PTPRO: variants seen among roughly 807,000 people sequenced by gnomAD.
PTPRO encodes the protein receptor-type tyrosine-protein phosphatase O.
A neutral mutation model predicts 145.2 loss-of-function variants in PTPRO; 62 were observed. That is an observed-to-expected ratio of 0.43 (90% CI 0.35 to 0.53). The LOEUF (loss-of-function observed/expected upper bound fraction) is 0.53. PTPRO is among the 20% of genes least tolerant of loss of function. The probability of loss-of-function intolerance (pLI) is 0.01; values close to 1 mark genes in which losing one functional copy is unlikely to be tolerated. For synonymous variants in PTPRO, 565 were observed against 514.7 expected, an observed-to-expected ratio of 1.10 and a Z score of -1.32; for missense variants, 1,345 against 1,482.7, an observed-to-expected ratio of 0.91 and a Z score of 1.53.
intron 1 of PTPRO, among the ~76,000 whole-genome samples, chr12:15,451,707 C>T (rs994299651): frequency 3.3e-5 from 5 of 152,254 alleles, no homozygotes; most frequent in Middle Eastern, 6.8e-3. Context: ...CAAAACCATG[C>T]AAATACATAG....
chr12:15,569,847 A>C (rs908379377), intron 19 of PTPRO, among the ~76,000 whole-genome samples: 1 of 152,154 alleles, frequency 6.6e-6, no homozygotes, highest in Non-Finnish European at 1.5e-5. Context: ...CTTTCAGGGG[A>C]TTTGTAGTGT....
intron 1 of PTPRO, among the ~76,000 whole-genome samples, chr12:15,482,266 T>A (rs1407831302): frequency 1.3e-5 from 2 of 152,062 alleles, no homozygotes; most frequent in Non-Finnish European, 2.9e-5. Context: ...AAGGACATTA[T>A]ATCAAGTGAA....
intron 1 of PTPRO, among the ~76,000 whole-genome samples, chr12:15,413,515 G>T (rs1226694170): frequency 6.6e-6 from 1 of 152,034 alleles, no homozygotes; most frequent in Non-Finnish European, 1.5e-5. Context: ...AAGATTTTAA[G>T]ATATTTTAAA....
intron 1 of PTPRO, among the ~76,000 whole-genome samples, chr12:15,418,370 C>G (rs577814695): frequency 1.3e-5 from 2 of 151,794 alleles, no homozygotes; most frequent in South Asian, 2.1e-4. Flanking sequence ...ACAGAGATGG[C>G]CTTCAGTGTC....
chr12:15,367,116 C>T (rs565590358), intron 1 of PTPRO, among the ~76,000 whole-genome samples: 1 of 152,274 alleles, frequency 6.6e-6, no homozygotes, highest in South Asian at 2.1e-4. Context: ...TATTTTTGAG[C>T]ATCTACTTTA....
At chr12:15,428,039 G>C (rs552429685) in intron 1 of PTPRO, among the ~76,000 whole-genome samples, 1 of 152,128 alleles carries the variant, frequency 6.6e-6, no homozygotes, top group Non-Finnish European at 1.5e-5. Context: ...TTTGCAGCAG[G>C]CTTCTTCCCT....
At chr12:15,434,842 T>G (rs1362803962) in intron 1 of PTPRO, among the ~76,000 whole-genome samples, 2 of 152,210 alleles carry the variant, frequency 1.3e-5, no homozygotes, top group African/African-American at 4.8e-5. Flanking sequence ...AACCTAAATA[T>G]GCAATAATAG....
intron 6 of PTPRO, among the ~76,000 whole-genome samples, chr12:15,507,450 T>TAAC (rs141407524): frequency 0.036 from 5,387 of 148,226 alleles, 131 homozygotes; most frequent in African/African-American, 0.047. Flanking sequence ...AATAAATAAA[T>TAAC]AAGGAATGAA....
At chr12:15,373,295 A>G (rs16910788) in intron 1 of PTPRO, among the ~76,000 whole-genome samples, 3,435 of 152,276 alleles carry the variant, frequency 0.023, 74 homozygotes, top group Non-Finnish European at 0.032. Context: ...GCAGCATACT[A>G]TAGGACAGGA....
intron 1 of PTPRO, among the ~76,000 whole-genome samples, chr12:15,363,830 A>G (rs1010057212): frequency 3.9e-5 from 6 of 152,182 alleles, no homozygotes; most frequent in Non-Finnish European, 7.4e-5. Flanking sequence ...CAAAGGATCT[A>G]CGCTGACATA....
chr12:15,350,049 T>C (rs1206104137), intron 1 of PTPRO, among the ~76,000 whole-genome samples: 5 of 152,192 alleles, frequency 3.3e-5, no homozygotes, highest in Non-Finnish European at 5.9e-5. Flanking sequence ...AATTGGGACA[T>C]GGACTGAAGA....
chr12:15,384,613 CT>C (rs564988515), intron 1 of PTPRO, among the ~76,000 whole-genome samples: 1 of 152,236 alleles, frequency 6.6e-6, no homozygotes, highest in Admixed American at 6.5e-5. Flanking sequence ...ACCCTTTTGA[CT>C]TTAATTATCT....
chr12:15,382,178 T>TATATATATATATATA (rs1565597910), intron 1 of PTPRO, among the ~76,000 whole-genome samples: 16 of 133,214 alleles, frequency 1.2e-4, no homozygotes, highest in African/African-American at 5.3e-4. Context: ...ATATATATAT[T>TATATATATATATATA]TATATTTATA....
At chr12:15,473,937 A>T (rs1941598496) in intron 1 of PTPRO, among the ~76,000 whole-genome samples, 1 of 152,168 alleles carries the variant, frequency 6.6e-6, no homozygotes, top group Admixed American at 6.5e-5. Flanking sequence ...CCTATTTTAT[A>T]AATTAAGAAG....
chr12:15,328,881 A>G (rs1866527680), intron 1 of PTPRO, among the ~76,000 whole-genome samples: 1 of 152,224 alleles, frequency 6.6e-6, no homozygotes, highest in South Asian at 2.1e-4. Context: ...GATTTTTGGT[A>G]TATTTACTAG....
chr12:15,528,874 GA>G lies in PTPRO; in HGVS notation c.2164+2620del, dbSNP rs111719271. Among the ~76,000 whole-genome samples, 1,249 of 151,702 alleles carry G rather than the reference GA, an allele frequency of 8.2e-3. 18 individuals are homozygous for G. The highest frequency in any genetic ancestry group is 0.029 in the African/African-American group (1,194 of 41,358). On this transcript the variant is annotated intron_variant, in intron 12 of 26. Coordinates refer to ENST00000281171, the MANE Select transcript of PTPRO (RefSeq NM_030667.3). ...GAAGAACATTTTTACAGTGCTCAAAGAAAAAAAACTGCCATCCAAGAATAAT... is the reference window on the plus strand; with the variant it reads ...GAAGAACATTTTTACAGTGCTCAAAGAAAAAAACTGCCATCCAAGAATAAT...
At chr12:15,572,914 G>A (rs115568322) in intron 19 of PTPRO, among the ~76,000 whole-genome samples, 158 of 152,272 alleles carry the variant, frequency 1.0e-3, no homozygotes, top group African/African-American at 3.6e-3. Flanking sequence ...GGGACGAGGC[G>A]TTAAATGCTC....
chr12:15,466,848 T>C (rs1439990741), intron 1 of PTPRO, among the ~76,000 whole-genome samples: 2 of 152,222 alleles, frequency 1.3e-5, no homozygotes, highest in Admixed American at 1.3e-4. Context: ...CTTAAAGTGA[T>C]AATTCATATT....
chr12:15,510,523 G>A (rs1190867533), intron 7 of PTPRO, among the ~76,000 whole-genome samples: 1 of 152,166 alleles, frequency 6.6e-6, no homozygotes, highest in Non-Finnish European at 1.5e-5. Context: ...GGTAGAGATA[G>A]ATATTGTAAA....
Sources: gnomAD v4.1 joint callset for allele counts (sites outside exome capture counted in the v4.1 genomes callset) on GRCh38, gnomAD v4.1.1 for gene constraint, MANE v1.5 for transcripts, NCBI Gene and HGNC (gene_info 2026-07-23, HGNC 2026-07-21) for gene names.